FNDC1: variants seen among roughly 807,000 people sequenced by gnomAD.
FNDC1 encodes the protein fibronectin type III domain containing 1.
In FNDC1, 96 loss-of-function variants were observed where a neutral mutation model predicts 168.0. The ratio of observed to expected loss-of-function variants is 0.57; its 90% CI spans 0.48 to 0.68. The LOEUF (loss-of-function observed/expected upper bound fraction) is 0.68, where lower values mean the gene tolerates loss of function less well. Ranked by LOEUF, FNDC1 falls within the 30% of genes least tolerant of loss-of-function variation. The probability of loss-of-function intolerance (pLI) is 0.00; values close to 1 mark genes in which losing one functional copy is unlikely to be tolerated. For missense variants in FNDC1, 2,587 were observed against 2,482.1 expected (o/e 1.04, Z -0.90); for synonymous variants, 1,099 against 1,025.9 (o/e 1.07, Z -1.36).
At chr6:159,238,124 G>A (rs1255384550) in intron 12 of FNDC1, among the ~76,000 whole-genome samples, 2 of 144,348 alleles carry the variant, frequency 1.4e-5, no homozygotes, top group African/African-American at 5.2e-5. Context: ...TTGAGACGGA[G>A]TCTTGCCCTG....
chr6:159,201,752 A>G (rs1782384352), intron 4 of FNDC1, among the ~76,000 whole-genome samples: 1 of 152,258 alleles, frequency 6.6e-6, no homozygotes, highest in African/African-American at 2.4e-5. Context: ...CTCTGAACAC[A>G]CACATGTAAA....
At chr6:159,258,375 G>A (rs938871134) in intron 18 of FNDC1, among the ~76,000 whole-genome samples, 6 of 152,134 alleles carry the variant, frequency 3.9e-5, no homozygotes, top group Admixed American at 1.3e-4. Flanking sequence ...TATATAATGG[G>A]GGATTTTTTT....
At chr6:159,214,712 G>A (rs1782673477) in intron 4 of FNDC1, among the ~76,000 whole-genome samples, 1 of 152,168 alleles carries the variant, frequency 6.6e-6, no homozygotes, top group Admixed American at 6.5e-5. Flanking sequence ...AACATGGAAT[G>A]TTTTATTTTA....
intron 21 of FNDC1, among the ~76,000 whole-genome samples, chr6:159,267,439 T>C (rs1370700533): frequency 6.6e-6 from 1 of 152,182 alleles, no homozygotes; most frequent in African/African-American, 2.4e-5. Context: ...TCTATTTGTA[T>C]AGACCTTCCT....
rs1782882791 is a variant in FNDC1, at chr6:159,223,537, A to G, written c.776A>G (p.Glu259Gly). The G allele has an allele frequency of 6.2e-7, 1 of 1,611,942 alleles. No individual in the cohort carries two copies. The highest frequency in any genetic ancestry group is 1.7e-5 in the Admixed American group (1 of 59,840). Residue 259 changes from glutamate to glycine, a missense_variant, in exon 7 of 23, where the codon GAA becomes GGA. By Grantham distance (98) the Glu-to-Gly change is moderately conservative. Transcript: ENST00000297267. ...LTKRKISEEDELDVPDDISVR... is the reference protein window; with the variant it reads ...LTKRKISEEDGLDVPDDISVR... ...CTCGTTGTCATTTCAGAAGAGGACG[A>G]ATTGGATGTACCTGACGACATCAGC...
In FNDC1 at chr6:159,232,607, A is replaced by T. The variant is rs1331609230; in HGVS notation, c.2095A>T (p.Arg699Trp). The T allele has an allele frequency of 6.2e-7, 1 of 1,607,834 alleles. No homozygotes were observed. ...PGAKPASPAR[R>W]TPHSGAAEED... ...CGCAAAGCCAGCCTCGCCGGCCCGG[A>T]GGACCCCCCATTCAGGGGCCGCAGA... The change falls in exon 11 of 23, where the codon AGG (arginine) becomes TGG (tryptophan). Residue 699 changes from arginine to tryptophan, a missense_variant. Transcript: ENST00000297267. This position sits in a 1 kb window ranked among gnomAD's most constrained non-coding sequence, Gnocchi z 4.9.
At chr6:159,266,724 C>T (rs531060704) in intron 21 of FNDC1, among the ~76,000 whole-genome samples, 36 of 144,144 alleles carry the variant, frequency 2.5e-4, no homozygotes, top group East Asian at 2.0e-3. Flanking sequence ...ATAATGAGTA[C>T]GAGCGTGAGC....
chr6:159,179,685 C>T (rs1781840822), intron 1 of FNDC1, among the ~76,000 whole-genome samples: 1 of 152,152 alleles, frequency 6.6e-6, no homozygotes, highest in South Asian at 2.1e-4. Context: ...GGCTATCTTC[C>T]TTTGCTGGAA....
chr6:159,236,398 G>A (rs1783261168), intron 12 of FNDC1, 83 bp downstream of exon 12: 1 of 892,766 alleles, frequency 1.1e-6, no homozygotes, highest in African/African-American at 1.7e-5. Flanking sequence ...AATGATAAAT[G>A]AAGTGGTCTT....
chr6:159,190,751 T>G (rs1045819529), intron 1 of FNDC1, among the ~76,000 whole-genome samples: 3 of 152,268 alleles, frequency 2.0e-5, no homozygotes. Flanking sequence ...AGCACTTTTG[T>G]GCCCCATGCT....
chr6:159,220,382 G>T (rs548832270), intron 5 of FNDC1, among the ~76,000 whole-genome samples: 3 of 152,282 alleles, frequency 2.0e-5, no homozygotes, highest in South Asian at 2.1e-4. Context: ...AACTTACTTA[G>T]GTCCTACCTG....
intron 14 of FNDC1, among the ~76,000 whole-genome samples, chr6:159,244,550 T>C (rs1289838615): frequency 1.3e-5 from 2 of 152,224 alleles, no homozygotes; most frequent in African/African-American, 2.4e-5. Context: ...AGTTTGTTTT[T>C]ACAATGTAAT....
At chr6:159,269,491 TATCTATCTATCCATCCATCCATGC>T (rs1169201721) in intron 22 of FNDC1, among the ~76,000 whole-genome samples, 3 of 49,974 alleles carry the variant, frequency 6.0e-5, no homozygotes, top group African/African-American at 2.0e-4. Context: ...TCTATCTATC[TATCTATCTATCCATCCATCCATGC>T]ATCCATCCAT....
At position 159,197,416 on chromosome 6, in the gene FNDC1, G is replaced by A. The variant is rs1350087196; in HGVS notation, c.110-15G>A. 2 of 1,595,328 alleles carry A rather than the reference G, an allele frequency of 1.3e-6. No individual in the cohort carries two copies. Among genetic ancestry groups the A allele is most frequent in the African/African-American group, 1.3e-5 (1 of 74,178 alleles). On this transcript the variant is annotated splice_polypyrimidine_tract_variant and intron_variant, in intron 1 of 22. Transcript: ENST00000297267. ...CTGTTATTGCCATGAGTTGATAGTT[G>A]CGCTGTTTACATAGTTGACCACCCA...
At chr6:159,238,244 C>A (rs1783312131) in intron 12 of FNDC1, among the ~76,000 whole-genome samples, 1 of 152,056 alleles carries the variant, frequency 6.6e-6, no homozygotes, top group African/African-American at 2.4e-5. Flanking sequence ...ACTACAAGCG[C>A]CCGCCACCGC....
Position 159,233,897 on chromosome 6 carries a change from C to A in FNDC1, c.3385C>A (p.Arg1129Ser), listed in dbSNP as rs1187327786. 1 of 1,547,360 alleles carries A rather than the reference C, an allele frequency of 6.5e-7. No individual in the cohort carries two copies. The stretch of plus-strand genomic sequence containing the variant: ...GGCAGGTGGCGACCACAGGTCCCAG[C>A]GCGGACATGCGGCCTCCCCCGCCAG... Reference protein sequence around the residue: ...AGAGGDHRSQRGHAASPARPS... With the variant: ...AGAGGDHRSQSGHAASPARPS... The change falls in exon 11 of 23, where the codon CGC becomes AGC. Residue 1129 changes from arginine (R) to serine (S), a missense_variant. Coordinates refer to ENST00000297267, the MANE Select transcript of FNDC1 (RefSeq NM_032532.3). The surrounding 1 kb of genome is among the most constrained non-coding windows in gnomAD (Gnocchi z 4.6).
rs766624671 is a variant in FNDC1, at chr6:159,236,211, G to A, written c.3968-4G>A. The stretch of plus-strand genomic sequence containing the variant: ...CTGTTATTTTTATTTTTGGTACTGT[G>A]TAGGTTATAATGGCAGACCAAATGT... On this transcript the variant is annotated splice_polypyrimidine_tract_variant and splice_region_variant and intron_variant, in intron 11 of 22. Coordinates refer to ENST00000297267, the MANE Select transcript of FNDC1 (RefSeq NM_032532.3). 5 of 1,607,758 alleles carry A rather than the reference G, an allele frequency of 3.1e-6. No individual in the cohort carries two copies. In the Admixed American group the frequency reaches 8.3e-5, roughly 27 times the overall value.
chr6:159,268,273 T>A (rs1477926654), intron 22 of FNDC1, among the ~76,000 whole-genome samples: 4 of 152,136 alleles, frequency 2.6e-5, no homozygotes. Context: ...TCTCAAAGGT[T>A]AACAATTAAT....
chr6:159,223,727 A>G, intron 7 of FNDC1, 82 bp downstream of exon 7: 1 of 782,076 alleles, frequency 1.3e-6, no homozygotes, highest in Non-Finnish European at 2.1e-6. Flanking sequence ...TAATGATTTT[A>G]TTTTCTGACT....
Sources: allele counts gnomAD v4.1 joint callset (sites outside exome capture counted in the v4.1 genomes callset), GRCh38; gene constraint gnomAD v4.1.1; non-coding constraint Gnocchi (gnomAD v3.1); transcripts MANE v1.5; gene names NCBI Gene and HGNC (gene_info 2026-07-23, HGNC 2026-07-21).